The following SGK3 variants were observed in gnomAD, a reference collection of about 807,000 sequenced individuals.
SGK3 encodes the protein serine/threonine-protein kinase Sgk3.
In SGK3, 47 loss-of-function variants were observed where a neutral mutation model predicts 68.5. That is an observed-to-expected ratio of 0.69 (90% CI 0.54 to 0.87). The LOEUF is 0.87. SGK3 is among the 40% of genes least tolerant of loss of function. The probability of loss-of-function intolerance (pLI) is 0.00; values close to 1 mark genes in which losing one functional copy is unlikely to be tolerated. For synonymous variants in SGK3, 181 were observed against 189.1 expected (o/e 0.96, Z 0.35); for missense variants, 479 against 575.5 (o/e 0.83, Z 1.72).
chr8:66,810,961 A>G (rs1022709859), intron 4 of SGK3, among the ~76,000 whole-genome samples: 1 of 152,146 alleles, frequency 6.6e-6, no homozygotes, highest in African/African-American at 2.4e-5. Flanking sequence ...TTAACATTTT[A>G]TTATGAATTT....
chr8:66,734,638 G>C (rs1805265633), intron 1 of SGK3, among the ~76,000 whole-genome samples: 1 of 152,138 alleles, frequency 6.6e-6, no homozygotes, highest in East Asian at 1.9e-4. Flanking sequence ...GTTACTGGAG[G>C]TCAACTGTTG....
At chr8:66,794,415 A>C (rs1325667909) in intron 2 of SGK3, among the ~76,000 whole-genome samples, 1 of 152,058 alleles carries the variant, frequency 6.6e-6, no homozygotes, top group Non-Finnish European at 1.5e-5. Context: ...TGAAACATAC[A>C]ATATTGTATT....
intron 1 of SGK3, among the ~76,000 whole-genome samples, chr8:66,743,264 T>C (rs1196259001): frequency 6.6e-6 from 1 of 152,240 alleles, no homozygotes; most frequent in Non-Finnish European, 1.5e-5. Context: ...ATAATATTGT[T>C]TCATGGCACT....
chr8:66,840,766 G>A, intron 12 of SGK3: 1 of 248,140 alleles, frequency 4.0e-6, no homozygotes, highest in Non-Finnish European at 7.6e-6. Flanking sequence ...GGGCAACATG[G>A]CGAAACACCA....
intron 1 of SGK3, among the ~76,000 whole-genome samples, chr8:66,781,196 G>A (rs1351175607): frequency 1.3e-5 from 2 of 152,112 alleles, no homozygotes; most frequent in Non-Finnish European, 2.9e-5. Flanking sequence ...CTGGTGGTTG[G>A]GAACCCAAGA....
intron 5 of SGK3, among the ~76,000 whole-genome samples, chr8:66,818,397 AAATACCTTATT>A (rs1479296010): frequency 6.6e-6 from 1 of 152,234 alleles, no homozygotes; most frequent in Non-Finnish European, 1.5e-5. Context: ...ATGGAAGCAG[AAATACCTTATT>A]TTAATTTTAT....
chr8:66,728,967 C>G (rs1805058330), intron 1 of SGK3, among the ~76,000 whole-genome samples: 1 of 151,770 alleles, frequency 6.6e-6, no homozygotes, highest in African/African-American at 2.4e-5. Context: ...TGCCTGTAAT[C>G]CCAGCACTTT....
chr8:66,813,915 G>C lies in SGK3; in HGVS notation c.316G>C (p.Glu106Gln), dbSNP rs917196477. ...CATTCAGAACCTAGTTAGGTATCCAGAACTTTATAACCAGTAAGTAATTTT... is the reference window on the plus strand; with the variant it reads ...CATTCAGAACCTAGTTAGGTATCCACAACTTTATAACCAGTAAGTAATTTT... ...EFIQNLVRYP[E>Q]LYNHPDVRAF... The change falls in exon 5 of 17, where the codon GAA (glutamate) becomes CAA (glutamine). Residue 106 changes from glutamate (E) to glutamine (Q), a missense_variant. Coordinates refer to ENST00000521198, the MANE Select transcript of SGK3 (RefSeq NM_001033578.3). 3 of 1,591,284 alleles carry C rather than the reference G, an allele frequency of 1.9e-6. No homozygotes were observed. Among genetic ancestry groups the C allele is most frequent in the Admixed American group, 1.8e-5 (1 of 56,250 alleles).
At chr8:66,750,073 C>T (rs538970186) in intron 1 of SGK3, among the ~76,000 whole-genome samples, 1 of 152,006 alleles carries the variant, frequency 6.6e-6, no homozygotes, top group African/African-American at 2.4e-5. Context: ...CCTTGATTCC[C>T]AGTGCATCTT....
Position 66,849,068 on chromosome 8 carries a change from T to TC in SGK3, c.1230+1721dup, listed in dbSNP as rs1461312294. On this transcript the variant is annotated intron_variant, in intron 15 of 16. Transcript: ENST00000521198. ...TCCTGTGTAAGCTCCTTTTCAAACTTCAAGTGTTGCAGTGCCCTGTCGTCC... is the reference window on the plus strand; with the variant it reads ...TCCTGTGTAAGCTCCTTTTCAAACTTCCAAGTGTTGCAGTGCCCTGTCGTCC... 2.0e-5 allele frequency among the ~76,000 whole-genome samples: 3 copies of TC among 152,214 alleles called. No homozygotes were observed. In the East Asian group the frequency reaches 5.8e-4, roughly 29 times the overall value.
intron 1 of SGK3, among the ~76,000 whole-genome samples, chr8:66,729,967 C>G (rs1805099719): frequency 6.6e-6 from 1 of 152,020 alleles, no homozygotes; most frequent in African/African-American, 2.4e-5. Flanking sequence ...TCTTCAAACT[C>G]TCGACCTCAG....
At chr8:66,817,052 A>C (rs1808616864) in intron 5 of SGK3, among the ~76,000 whole-genome samples, 1 of 149,052 alleles carries the variant, frequency 6.7e-6, no homozygotes, top group African/African-American at 2.5e-5. Flanking sequence ...CTGGGTTGGA[A>C]CTCCTGACCT....
intron 1 of SGK3, among the ~76,000 whole-genome samples, chr8:66,779,971 TCTC>T (rs1806907748): frequency 6.6e-6 from 1 of 152,102 alleles, no homozygotes. Flanking sequence ...TATCCTGAGT[TCTC>T]CTTGATTTTA....
In SGK3 at chr8:66,748,997, C is replaced by T. The variant is rs543371861; in HGVS notation, c.-122+36164C>T. 1.3e-4 allele frequency among the ~76,000 whole-genome samples: 20 copies of T among 152,210 alleles called. No homozygotes were observed. The South Asian group carries it at 1.9e-3, about 14-fold the overall frequency. ...GCAACCTCTGCCTCCCAGGCTCAAG[C>T]GATCCTCCCATCTCAGCCGCTTGAG... is the stretch of plus-strand genomic sequence containing the variant. On this transcript the variant is annotated intron_variant, in intron 1 of 16. Transcript: ENST00000521198.
intron 6 of SGK3, 64 bp downstream of exon 6, chr8:66,822,523 T>G: frequency 6.7e-7 from 1 of 1,484,916 alleles, no homozygotes; most frequent in Non-Finnish European, 9.2e-7. Flanking sequence ...ATTAGTGGCT[T>G]TAGGACACTT....
intron 1 of SGK3, among the ~76,000 whole-genome samples, chr8:66,722,374 C>T (rs1232232773): frequency 2.0e-5 from 3 of 152,200 alleles, no homozygotes; most frequent in African/African-American, 7.2e-5. Context: ...CCTCTACCTC[C>T]CAAGTTCAAG....
At chr8:66,833,003 A>ATTTTTTTT (rs796444821) in intron 8 of SGK3, among the ~76,000 whole-genome samples, 1 of 143,932 alleles carries the variant, frequency 6.9e-6, no homozygotes, top group Admixed American at 7.0e-5. Flanking sequence ...TGTTTTTAGA[A>ATTTTTTTT]TTTTTTTTTT....
intron 4 of SGK3, among the ~76,000 whole-genome samples, chr8:66,805,899 A>G (rs780943315): frequency 7.9e-5 from 12 of 152,228 alleles, no homozygotes; most frequent in Admixed American, 2.0e-4. Flanking sequence ...GGTCCCTTAT[A>G]TTGAGTGTGC....
chr8:66,803,274 C>G (rs1225948649), intron 3 of SGK3, among the ~76,000 whole-genome samples: 1 of 152,110 alleles, frequency 6.6e-6, no homozygotes, highest in Non-Finnish European at 1.5e-5. Context: ...GTACATTCCT[C>G]TGTTCTTTGT....
Sources: gnomAD v4.1 joint callset for allele counts (sites outside exome capture counted in the v4.1 genomes callset) on GRCh38, gnomAD v4.1.1 for gene constraint, MANE v1.5 for transcripts, NCBI Gene and HGNC (gene_info 2026-07-23, HGNC 2026-07-21) for gene names.